The following TBX1 variants were observed in gnomAD, a reference collection of about 807,000 sequenced individuals.
TBX1 encodes T-box transcription factor 1.
TBX1 carries 16 observed loss-of-function variants against 40.8 expected under a neutral mutation model. That is an observed-to-expected ratio of 0.39 (90% CI 0.27 to 0.60). The LOEUF (loss-of-function observed/expected upper bound fraction) is 0.60, where lower values mean the gene tolerates loss of function less well. Among genes scored for constraint, TBX1 ranks in the 20% least tolerant of loss-of-function variants. The pLI is 0.51. For synonymous variants in TBX1, 403 were observed against 336.8 expected (o/e 1.20, Z -2.15); for missense variants, 755 against 728.5 (o/e 1.04, Z -0.42).
intron 8 of TBX1, among the ~76,000 whole-genome samples, chr22:19,778,731 A>C (rs1023647468): frequency 2.6e-5 from 4 of 152,134 alleles, no homozygotes; most frequent in Non-Finnish European, 4.4e-5. Flanking sequence ...CACCGTGTCC[A>C]GCCCCTTTGA....
chr22:19,777,297 G>A (rs901822518), intron 8 of TBX1, among the ~76,000 whole-genome samples: 5 of 151,830 alleles, frequency 3.3e-5, no homozygotes, highest in African/African-American at 4.8e-5. Context: ...ACCTATGAGT[G>A]AGAACATGCG....
chr22:19,766,771 GGCCGCCGCC>G lies in TBX1; in HGVS notation c.1425_1433del (p.Ala483_Ala485del), dbSNP rs756680878. ...ACCACCCCGTGAGTCCAGCCGCCGC[GGCCGCCGCC>G]GCCGCTGCCGCAGCTGCCGCGGCCG... On this transcript the variant is annotated inframe_deletion, in exon 7 of 7. Transcript: ENST00000649276. 14 of 1,472,894 alleles carry G rather than the reference GGCCGCCGCC, an allele frequency of 9.5e-6. No homozygotes were observed. Among genetic ancestry groups the G allele is most frequent in the Non-Finnish European group, 1.1e-5 (12 of 1,125,850 alleles). The allele number at this position is 1,472,894 out of a possible 1,614,324, so 91.2% of individuals were successfully genotyped here. A position where few individuals can be genotyped will look rare whatever the true frequency, so the allele number is the denominator to read the frequency against.
chr22:19,771,761 G>C (rs770290022), downstream of TBX1, among the ~76,000 whole-genome samples: 55 of 152,200 alleles, frequency 3.6e-4, no homozygotes, highest in Non-Finnish European at 6.5e-4. Context: ...CTCTGAAGTT[G>C]GTGTTCTCTT....
intron 4 of TBX1, among the ~76,000 whole-genome samples, chr22:19,765,367 G>A (rs531576506): frequency 6.6e-6 from 1 of 152,212 alleles, no homozygotes; most frequent in East Asian, 1.9e-4. Flanking sequence ...TTTGTTTTCC[G>A]AACCATTCCG....
chr22:19,766,729 G>C lies in TBX1; in HGVS notation c.1377G>C (p.Ala459=), dbSNP rs771540171. 3 of 1,539,980 alleles carry C rather than the reference G, an allele frequency of 1.9e-6. No individual in the cohort carries two copies. The highest frequency in any genetic ancestry group is 1.9e-5 in the Admixed American group (1 of 53,964). ...GLRGHGYHPH[A]HPHHHHHPVS... The stretch of plus-strand genomic sequence containing the variant: ...GTGGCCACGGCTACCACCCGCACGC[G>C]CATCCGCACCACCACCACCACCCCG... Residue 459 remains alanine, a synonymous_variant, in exon 7 of 7, where the codon GCG becomes GCC. Transcript: ENST00000649276.
At chr22:19,768,116 C>A (rs41299360), downstream of TBX1, among the ~76,000 whole-genome samples, 1 of 152,186 alleles carries the variant, frequency 6.6e-6, no homozygotes, top group Non-Finnish European at 1.5e-5. Context: ...GGCTGACAGC[C>A]GGTCAGCGCC....
rs1936632874 is a variant in TBX1, at chr22:19,760,876, G to A, written c.33G>A (p.Thr11=). MISAVSSPWL[T]QLSHFCDVAA... ...CCGCCGTGTCCAGCCCGTGGCTCAC[G>A]CAGCTCTCGCATTTCTGCGACGTTG... is the stretch of plus-strand genomic sequence containing the variant. Residue 11 remains threonine (T), a synonymous_variant, in exon 1 of 7, where the codon ACG becomes ACA. Transcript: ENST00000649276. The A allele has an allele frequency of 2.9e-6, 3 of 1,046,620 alleles. No individual in the cohort carries two copies. The Admixed American group carries it at 1.3e-4, about 47-fold the overall frequency. 64.8% of individuals were successfully genotyped at this position (1,046,620 alleles called of 1,614,324 possible).
At chr22:19,772,236 G>C, downstream of TBX1, among the ~76,000 whole-genome samples, 1 of 152,004 alleles carries the variant, frequency 6.6e-6, no homozygotes, top group East Asian at 1.9e-4. Context: ...CCAAGTAACC[G>C]GGATTACAGA....
At chr22:19,774,753 A>G (rs116005643) in intron 8 of TBX1, among the ~76,000 whole-genome samples, 102 of 152,322 alleles carry the variant, frequency 6.7e-4, no homozygotes, top group African/African-American at 2.4e-3. Context: ...TTCCACTTGC[A>G]TGAGGCACCT....
downstream of TBX1, among the ~76,000 whole-genome samples, chr22:19,781,004 G>A (rs1937137681): frequency 6.6e-6 from 1 of 152,030 alleles, no homozygotes; most frequent in East Asian, 1.9e-4. Context: ...GGATGGTCTC[G>A]ATCTCCTGAC....
downstream of TBX1, among the ~76,000 whole-genome samples, chr22:19,780,972 C>T (rs927428056): frequency 1.3e-5 from 2 of 151,904 alleles, no homozygotes; most frequent in Non-Finnish European, 2.9e-5. Context: ...TTAGTAGAGA[C>T]GGGGTTTTAC....
At chr22:19,761,423 G>C in intron 1 of TBX1, 143 bp downstream of exon 1, 2 of 1,209,770 alleles carry the variant, frequency 1.7e-6, no homozygotes, top group Non-Finnish European at 2.1e-6. Flanking sequence ...GGGCCCCGCT[G>C]CCTCCTTCGC....
chr22:19,766,605 A>G lies in TBX1; in HGVS notation c.1253A>G (p.Glu418Gly), dbSNP rs745858331. 24 of 1,509,196 alleles carry G rather than the reference A, an allele frequency of 1.6e-5. No individual in the cohort carries two copies. In the Admixed American group the frequency reaches 3.4e-4, roughly 21 times the overall value. The allele number at this position is 1,509,196 out of a possible 1,614,324, so 93.5% of individuals were successfully genotyped here. The change falls in exon 7 of 7, where the codon GAG becomes GGG. Residue 418 changes from glutamate to glycine, a missense_variant. By Grantham distance (98) the Glu-to-Gly change is moderately conservative. This residue lies in a region of TBX1 where 412 missense variants were observed against 317.6 expected (regional missense o/e 1.30). Coordinates refer to ENST00000649276, the MANE Select transcript of TBX1 (RefSeq NM_001379200.1). ...ELRLEAPGAS[E>G]PLHHHPYKYP... ...CGCCTGGAGGCGCCCGGCGCATCGG[A>G]GCCGCTGCACCACCACCCCTACAAA...
In TBX1 at chr22:19,767,280, T is replaced by C; in HGVS notation, c.*413T>C. On this transcript the variant is annotated 3_prime_UTR_variant, in exon 7 of 7. Transcript: ENST00000649276. ...TGTAGATACATGTAGATACTGTAGATACTGTAGATACCGCCCCGGCGCCGA... is the reference window on the plus strand; with the variant it reads ...TGTAGATACATGTAGATACTGTAGACACTGTAGATACCGCCCCGGCGCCGA... 3 of 997,452 alleles carry C rather than the reference T, an allele frequency of 3.0e-6. No homozygotes were observed. The highest frequency in any genetic ancestry group is 3.6e-6 in the Non-Finnish European group (3 of 838,176). 61.8% of individuals were successfully genotyped at this position (997,452 alleles called of 1,614,324 possible).
chr22:19,764,239 G>A lies in TBX1; in HGVS notation c.624G>A (p.Ser208=), dbSNP rs754390970. The A allele has an allele frequency of 1.5e-5, 24 of 1,613,136 alleles. No individual in the cohort carries two copies. The highest frequency in any genetic ancestry group is 4.0e-5 in the African/African-American group (3 of 74,920). The change falls in exon 3 of 7, where the codon TCG becomes TCA. Residue 208 remains serine (S), a synonymous_variant. Transcript: ENST00000649276. ...TPGRVHYHPD[S]PAKGAQWMKQ... ...GCCGCGTGCACTACCACCCGGACTC[G>A]CCTGCCAAGGGCGCGCAGTGGATGA...
intron 8 of TBX1, among the ~76,000 whole-genome samples, chr22:19,773,018 G>A (rs1937013000): frequency 6.6e-6 from 1 of 152,232 alleles, no homozygotes; most frequent in African/African-American, 2.4e-5. Flanking sequence ...GGCGAGGCCT[G>A]GGCTACACAG....
rs749275495 is a variant in TBX1 at position 19,764,273 on chromosome 22, G to A, written c.658G>A (p.Val220Met). 2.0e-5 allele frequency: 32 copies of A among 1,613,314 alleles called. No individual in the cohort carries two copies. Among genetic ancestry groups the A allele is most frequent in the South Asian group, 9.9e-5 (9 of 91,096 alleles). Reference sequence around the variant, plus strand: ...GGGCGCGCAGTGGATGAAGCAAATCGTGTCCTTCGACAAGCTCAAGCTGAC... The same window carrying A: ...GGGCGCGCAGTGGATGAAGCAAATCATGTCCTTCGACAAGCTCAAGCTGAC... ...AKGAQWMKQI[V>M]SFDKLKLTNN... Residue 220 changes from valine to methionine, a missense_variant, in exon 3 of 7, where the codon GTG (valine) becomes ATG (methionine). Val to Met is a conservative substitution (Grantham distance 21). This residue lies in a region of TBX1 where 144 missense variants were observed against 238.0 expected (regional missense o/e 0.61). Coordinates refer to ENST00000649276, the MANE Select transcript of TBX1 (RefSeq NM_001379200.1).
At chr22:19,761,600 G>A (rs913306848) in intron 1 of TBX1, among the ~76,000 whole-genome samples, 1 of 152,004 alleles carries the variant, frequency 6.6e-6, no homozygotes, top group Non-Finnish European at 1.5e-5. Flanking sequence ...CCCAGAAACC[G>A]GCCCGGCTTG....
At chr22:19,774,867 C>T (rs1937041416) in intron 8 of TBX1, among the ~76,000 whole-genome samples, 1 of 150,750 alleles carries the variant, frequency 6.6e-6, no homozygotes, top group African/African-American at 2.5e-5. Flanking sequence ...TTCCATTTTG[C>T]GTTCATCTGG....
Sources: gnomAD v4.1 joint callset for allele counts (sites outside exome capture counted in the v4.1 genomes callset) on GRCh38, gnomAD v4.1.1 for gene constraint, gnomAD v4.1.1 regional missense constraint, MANE v1.5 for transcripts, NCBI Gene and HGNC (gene_info 2026-07-23, HGNC 2026-07-21) for gene names.